Variants in ZNF385D observed in about 807,000 individuals in gnomAD.
ZNF385D encodes zinc finger protein 385D.
Under a neutral mutation model 35.8 loss-of-function variants are expected in ZNF385D, and 15 were observed. That is an observed-to-expected ratio of 0.42 (90% CI 0.28 to 0.64). The LOEUF is 0.64. Among genes scored for constraint, ZNF385D ranks in the 30% least tolerant of loss-of-function variants. The probability of loss-of-function intolerance (pLI) is 0.23; values close to 1 mark genes in which losing one functional copy is unlikely to be tolerated. For synonymous variants in ZNF385D, 212 were observed against 186.8 expected, an observed-to-expected ratio of 1.13 and a Z score of -1.10; for missense variants, 474 against 494.6, an observed-to-expected ratio of 0.96 and a Z score of 0.39.
chr3:21,911,900 G>C (rs1022825324), intron 3 of ZNF385D, among the ~76,000 whole-genome samples: 5 of 151,634 alleles, frequency 3.3e-5, no homozygotes, highest in African/African-American at 7.3e-5. Context: ...AGTCATAGAA[G>C]ATAATAATGT....
intron 3 of ZNF385D, among the ~76,000 whole-genome samples, chr3:22,115,462 A>G (rs1702758732): frequency 6.6e-6 from 1 of 152,110 alleles, no homozygotes. Flanking sequence ...TTTATGTCAT[A>G]CAGTTGCTGC....
At chr3:21,923,305 G>A (rs1182887417) in intron 3 of ZNF385D, among the ~76,000 whole-genome samples, 1 of 151,426 alleles carries the variant, frequency 6.6e-6, no homozygotes, top group African/African-American at 2.4e-5. Flanking sequence ...AAACCACAAT[G>A]AGATACCATC....
chr3:22,101,873 G>A (rs369696928), intron 3 of ZNF385D, among the ~76,000 whole-genome samples: 30 of 151,758 alleles, frequency 2.0e-4, no homozygotes, highest in Non-Finnish European at 3.7e-4. Context: ...TGGTACCAAT[G>A]AGTAAGCTAC....
At chr3:22,102,124 G>A (rs1308638181) in intron 3 of ZNF385D, among the ~76,000 whole-genome samples, 1 of 151,874 alleles carries the variant, frequency 6.6e-6, no homozygotes, top group Non-Finnish European at 1.5e-5. Context: ...AATGCCCTTG[G>A]ATTGACAATG....
intron 2 of ZNF385D, among the ~76,000 whole-genome samples, chr3:22,315,726 T>C (rs1245600105): frequency 6.6e-6 from 1 of 152,184 alleles, no homozygotes; most frequent in African/African-American, 2.4e-5. Context: ...GGCTGGCTGT[T>C]CTCAGTCATT....
intron 3 of ZNF385D, among the ~76,000 whole-genome samples, chr3:21,528,162 GCTTGAAAA>G (rs1708338831): frequency 6.6e-6 from 1 of 152,046 alleles, no homozygotes; most frequent in South Asian, 2.1e-4. Flanking sequence ...ATATTCTTCA[GCTTGAAAA>G]ATAGATCCAG....
intron 1 of ZNF385D, among the ~76,000 whole-genome samples, chr3:21,680,030 T>A (rs929172073): frequency 1.3e-5 from 2 of 152,106 alleles, no homozygotes; most frequent in Admixed American, 6.6e-5. Flanking sequence ...TGACTTGGAA[T>A]CTGGGACGTA....
chr3:22,217,358 T>C (rs1227461718), intron 2 of ZNF385D, among the ~76,000 whole-genome samples: 3 of 152,152 alleles, frequency 2.0e-5, no homozygotes, highest in Non-Finnish European at 4.4e-5. Flanking sequence ...TCTAAGGAAC[T>C]GTGAACACAA....
intron 3 of ZNF385D, among the ~76,000 whole-genome samples, chr3:22,024,261 A>G (rs1372858297): frequency 3.3e-5 from 5 of 152,068 alleles, no homozygotes; most frequent in Non-Finnish European, 5.9e-5. Flanking sequence ...CAGATAGCCC[A>G]TTGTGGGATC....
intron 4 of ZNF385D, among the ~76,000 whole-genome samples, chr3:21,458,865 C>T (rs1702993854): frequency 6.6e-6 from 1 of 151,966 alleles, no homozygotes; most frequent in African/African-American, 2.4e-5. Context: ...GGGTTCTAAA[C>T]TTGATAGTGG....
chr3:21,944,063 A>G (rs1701660518), intron 3 of ZNF385D, among the ~76,000 whole-genome samples: 2 of 152,176 alleles, frequency 1.3e-5, no homozygotes, highest in East Asian at 1.9e-4. Flanking sequence ...TTTACCATTT[A>G]TTTATATTTT....
chr3:22,111,891 G>T (rs991068404), intron 3 of ZNF385D, among the ~76,000 whole-genome samples: 10 of 152,122 alleles, frequency 6.6e-5, no homozygotes, highest in African/African-American at 2.4e-4. Context: ...CTACTGAGAA[G>T]TGAAAAGCAC....
At chr3:22,027,017 A>G (rs537096135) in intron 3 of ZNF385D, among the ~76,000 whole-genome samples, 16 of 152,348 alleles carry the variant, frequency 1.1e-4, no homozygotes, top group Admixed American at 9.1e-4. Context: ...GTATGCAGCC[A>G]TTGACTTGGC....
intron 4 of ZNF385D, among the ~76,000 whole-genome samples, chr3:21,442,308 T>A (rs1332277532): frequency 6.6e-6 from 1 of 152,098 alleles, no homozygotes; most frequent in Non-Finnish European, 1.5e-5. Flanking sequence ...GGGATTAGTG[T>A]TATAACCCAA....
chr3:21,787,565 A>C (rs2125650746), intron 3 of ZNF385D, among the ~76,000 whole-genome samples: 1 of 152,228 alleles, frequency 6.6e-6, no homozygotes, highest in African/African-American at 2.4e-5. Flanking sequence ...TTCCAGAGAA[A>C]GGCCGTTCAG....
At chr3:21,849,575 A>G (rs191143926) in intron 3 of ZNF385D, 13 of 142,366 alleles carry the variant, frequency 9.1e-5, no homozygotes, top group Non-Finnish European at 1.8e-4. Context: ...GAATTTGGTT[A>G]TATTTCCAAA....
At position 21,416,717 on chromosome 3, in the gene ZNF385D, G is replaced by A. The variant is rs1321977978; in HGVS notation, c.*4497C>T. 2 of 152,120 alleles carry A rather than the reference G, an allele frequency of 1.3e-5. No homozygotes were observed. Among genetic ancestry groups the A allele is most frequent in the African/African-American group, 4.8e-5 (2 of 41,438 alleles). 9.4% of individuals were successfully genotyped at this position (152,120 alleles called of 1,614,324 possible). On this transcript the variant is annotated 3_prime_UTR_variant, in exon 8 of 8. Coordinates refer to ENST00000281523, the MANE Select transcript of ZNF385D (RefSeq NM_024697.3). ...AATAATTCCTGTAACAATGACAAGA[G>A]CGCATAACTGATATACTTGTCTGTG...
At chr3:21,812,095 C>CA (rs2072946010) in intron 3 of ZNF385D, among the ~76,000 whole-genome samples, 1 of 151,862 alleles carries the variant, frequency 6.6e-6, no homozygotes, top group Admixed American at 6.6e-5. Context: ...TAAGTGCCAC[C>CA]AAAAAGATAT....
intron 3 of ZNF385D, among the ~76,000 whole-genome samples, chr3:21,944,594 T>A (rs749885144): frequency 1.3e-5 from 2 of 152,276 alleles, no homozygotes; most frequent in East Asian, 1.9e-4. Context: ...GCACTGTTAA[T>A]CTGCAGCTTT....
Sources: gnomAD v4.1 joint callset for allele counts (sites outside exome capture counted in the v4.1 genomes callset) on GRCh38, gnomAD v4.1.1 for gene constraint, MANE v1.5 for transcripts, NCBI Gene and HGNC (gene_info 2026-07-23, HGNC 2026-07-21) for gene names.